The following EIF4G3 variants were observed in gnomAD, a reference collection of about 807,000 sequenced individuals.
EIF4G3 encodes the protein eukaryotic translation initiation factor 4 gamma 3.
In EIF4G3, 34 loss-of-function variants were observed where a neutral mutation model predicts 186.4. The observed-to-expected ratio is 0.18, with a 90% CI of 0.14 to 0.24. The LOEUF is 0.24. EIF4G3 is among the 10% of genes least tolerant of loss of function. EIF4G3 has a pLI of 1.00. For missense variants in EIF4G3, 1,536 were observed against 1,948.5 expected (o/e 0.79, Z 3.99); for synonymous variants, 673 against 679.5 (o/e 0.99, Z 0.15).
chr1:20,976,442 C>T (rs1246777692), intron 10 of EIF4G3, among the ~76,000 whole-genome samples: 3 of 151,354 alleles, frequency 2.0e-5, no homozygotes, highest in Non-Finnish European at 4.4e-5. Context: ...ATGATACTGG[C>T]AGTAAACGGC....
At chr1:21,101,030 T>C (rs540741004) in intron 2 of EIF4G3, among the ~76,000 whole-genome samples, 22 of 152,278 alleles carry the variant, frequency 1.4e-4, no homozygotes, top group Admixed American at 2.6e-4. Context: ...AAAGCACGCT[T>C]ATACTAAATC....
At chr1:21,032,785 A>C (rs976870273) in intron 4 of EIF4G3, among the ~76,000 whole-genome samples, 1 of 152,196 alleles carries the variant, frequency 6.6e-6, no homozygotes, top group Non-Finnish European at 1.5e-5. Flanking sequence ...GCTTTTAAAA[A>C]AAACGGAGTG....
In EIF4G3 at chr1:20,893,633, T is replaced by C. The variant is rs1206017554; in HGVS notation, c.2137A>G (p.Asn713Asp). ...GTTCGCATTGGCAATTTGGGTTGGT[T>C]GATCTGCATGAAAAAGCAAAAGAAA... ...PISDVVLDKI[N>D]QPKLPMRTLD... Residue 713 changes from asparagine to aspartate, a missense_variant, in exon 18 of 37, where the codon AAC becomes GAC. Around this residue, in one of 11 missense-constraint regions of EIF4G3, gnomAD observed 139 missense variants for 192.8 expected, o/e 0.72. Coordinates refer to ENST00000602326, the MANE Select transcript of EIF4G3 (RefSeq NM_001391906.1). 9.0e-6 allele frequency: 14 copies of C among 1,556,304 alleles called. No homozygotes were observed. The highest frequency in any genetic ancestry group is 4.6e-5 in the East Asian group (2 of 43,332).
chr1:21,084,780 G>A (rs957641128), intron 3 of EIF4G3, among the ~76,000 whole-genome samples: 7 of 151,942 alleles, frequency 4.6e-5, no homozygotes, highest in Non-Finnish European at 7.4e-5. Flanking sequence ...ATTAGTTAAG[G>A]TAGAATGGCC....
At chr1:21,170,018 T>A (rs1188227438) in intron 2 of EIF4G3, among the ~76,000 whole-genome samples, 1 of 151,786 alleles carries the variant, frequency 6.6e-6, no homozygotes, top group African/African-American at 2.4e-5. Flanking sequence ...CTACTAAAAA[T>A]ACAAAAATTA....
At chr1:20,831,050 C>T (rs1272884810) in intron 30 of EIF4G3, among the ~76,000 whole-genome samples, 1 of 152,190 alleles carries the variant, frequency 6.6e-6, no homozygotes, top group Non-Finnish European at 1.5e-5. Context: ...ATACCCTTGC[C>T]TCTTGGCATG....
intron 12 of EIF4G3, among the ~76,000 whole-genome samples, chr1:20,964,466 C>T (rs2074172346): frequency 1.3e-5 from 2 of 152,140 alleles, no homozygotes. Context: ...TCTCTACTAG[C>T]TAACCCACAG....
intron 12 of EIF4G3, among the ~76,000 whole-genome samples, chr1:20,966,475 ATT>A (rs796461952): frequency 1.1e-4 from 15 of 139,960 alleles, no homozygotes; most frequent in Non-Finnish European, 7.9e-5. Flanking sequence ...ATGGGTCAAC[ATT>A]TTTTTTTTTT....
At chr1:20,848,127 T>G (rs2071846932) in intron 29 of EIF4G3, among the ~76,000 whole-genome samples, 2 of 152,018 alleles carry the variant, frequency 1.3e-5, no homozygotes, top group Admixed American at 1.3e-4. Flanking sequence ...CCACCACACC[T>G]GGCTAATTTT....
At chr1:20,855,805 A>G (rs1358697595) in intron 25 of EIF4G3, among the ~76,000 whole-genome samples, 2 of 152,214 alleles carry the variant, frequency 1.3e-5, no homozygotes, top group African/African-American at 2.4e-5. Context: ...ATAAATATGT[A>G]TAACGGTTTT....
intron 14 of EIF4G3, among the ~76,000 whole-genome samples, chr1:20,934,799 G>A (rs1453691482): frequency 1.3e-5 from 2 of 152,088 alleles, no homozygotes; most frequent in East Asian, 3.9e-4. Context: ...GAAAATCACA[G>A]ATTTTGTACA....
intron 2 of EIF4G3, among the ~76,000 whole-genome samples, chr1:21,105,009 C>T (rs1373484547): frequency 1.3e-5 from 2 of 152,072 alleles, no homozygotes; most frequent in Non-Finnish European, 2.9e-5. Context: ...AAATTGAGTA[C>T]GCATTGACAC....
chr1:21,077,788 G>A (rs1473732136), intron 3 of EIF4G3, among the ~76,000 whole-genome samples: 2 of 151,164 alleles, frequency 1.3e-5, no homozygotes, highest in Non-Finnish European at 2.9e-5. Flanking sequence ...GCTGTGGCAG[G>A]AGAATCGCTT....
At chr1:21,130,747 G>A (rs2097137956) in intron 2 of EIF4G3, among the ~76,000 whole-genome samples, 1 of 152,124 alleles carries the variant, frequency 6.6e-6, no homozygotes, top group Non-Finnish European at 1.5e-5. Context: ...CTAGAAAAAT[G>A]AAGACAGTGA....
At chr1:20,916,396 G>A (rs1315571585) in intron 14 of EIF4G3, among the ~76,000 whole-genome samples, 6 of 151,568 alleles carry the variant, frequency 4.0e-5, no homozygotes, top group South Asian at 2.1e-4. Context: ...GCAGTGAGCC[G>A]AGATCGTGCC....
At chr1:20,952,406 G>A (rs1280133721) in intron 12 of EIF4G3, among the ~76,000 whole-genome samples, 1 of 152,040 alleles carries the variant, frequency 6.6e-6, no homozygotes, top group East Asian at 1.9e-4. Context: ...CGCCTACCTT[G>A]ACATCCCAAA....
intron 2 of EIF4G3, among the ~76,000 whole-genome samples, chr1:21,135,007 C>T (rs984620823): frequency 4.6e-5 from 7 of 152,052 alleles, no homozygotes; most frequent in African/African-American, 9.7e-5. Flanking sequence ...ATAAATTTCA[C>T]GTAATACATC....
intron 2 of EIF4G3, among the ~76,000 whole-genome samples, chr1:21,172,858 C>T (rs904177289): frequency 6.7e-6 from 1 of 150,220 alleles, no homozygotes; most frequent in African/African-American, 2.4e-5. Context: ...ATGTGGTTCT[C>T]GGCCGGGTGC....
intron 3 of EIF4G3, among the ~76,000 whole-genome samples, chr1:21,079,506 GAAAAAA>G (rs35855765): frequency 9.9e-6 from 1 of 100,630 alleles, no homozygotes; most frequent in African/African-American, 3.9e-5. Flanking sequence ...TGTCTCTACA[GAAAAAA>G]AAAAAAAAAA....
Sources: allele counts gnomAD v4.1 joint callset (sites outside exome capture counted in the v4.1 genomes callset), GRCh38; gene constraint gnomAD v4.1.1; regional missense constraint gnomAD v4.1.1; transcripts MANE v1.5; gene names NCBI Gene and HGNC (gene_info 2026-07-23, HGNC 2026-07-21).